ZSCAN5A: variants seen among roughly 807,000 people sequenced by gnomAD.
ZSCAN5A encodes the protein zinc finger and SCAN domain-containing protein 5A.
A neutral mutation model predicts 23.7 loss-of-function variants in ZSCAN5A; 12 were observed. That is an observed-to-expected ratio of 0.51 (90% CI 0.32 to 0.82). The LOEUF (loss-of-function observed/expected upper bound fraction) is 0.82. ZSCAN5A is among the 40% of genes least tolerant of loss of function. The pLI is 0.03. For synonymous variants in ZSCAN5A, 257 were observed against 239.9 expected (o/e 1.07, Z -0.66); for missense variants, 597 against 617.9 (o/e 0.97, Z 0.36).
intron 2 of ZSCAN5A, among the ~76,000 whole-genome samples, chr19:56,300,683 C>G (rs1036660072): frequency 6.6e-6 from 1 of 152,126 alleles, no homozygotes; most frequent in Non-Finnish European, 1.5e-5. Flanking sequence ...GGAGTAATCG[C>G]TTCCTGAATT....
chr19:56,315,695 A>G (rs1196487896), upstream of ZSCAN5A: 2 of 152,226 alleles, frequency 1.3e-5, no homozygotes, highest in African/African-American at 4.8e-5. Flanking sequence ...TTTTTGTGAA[A>G]TAATGTCTGG....
chr19:56,337,439 G>A (rs2041550152), intron 2 of ZSCAN5A, among the ~76,000 whole-genome samples: 1 of 152,210 alleles, frequency 6.6e-6, no homozygotes, highest in Admixed American at 6.5e-5. Context: ...GAAAAGTGCA[G>A]TATTAGGGTG....
intron 2 of ZSCAN5A, among the ~76,000 whole-genome samples, chr19:56,253,433 C>G (rs937612390): frequency 6.6e-6 from 1 of 152,172 alleles, no homozygotes; most frequent in Non-Finnish European, 1.5e-5. Flanking sequence ...GAAGTAGTGG[C>G]TTGTCCGCAG....
intron 2 of ZSCAN5A, among the ~76,000 whole-genome samples, chr19:56,247,684 C>T (rs556352602): frequency 1.0e-5 from 1 of 99,620 alleles, no homozygotes; most frequent in Non-Finnish European, 2.2e-5. Context: ...GTGTGTGTTG[C>T]TGTTCTTTCT....
intron 2 of ZSCAN5A, among the ~76,000 whole-genome samples, chr19:56,301,032 G>T (rs2040193227): frequency 6.6e-6 from 1 of 152,128 alleles, no homozygotes; most frequent in Non-Finnish European, 1.5e-5. Context: ...AGAGCCTGAA[G>T]CCTGGGGATG....
chr19:56,226,371 C>T (rs1343878746), intron 2 of ZSCAN5A, among the ~76,000 whole-genome samples: 1 of 152,188 alleles, frequency 6.6e-6, no homozygotes, highest in African/African-American at 2.4e-5. Context: ...CAAACTCCTC[C>T]AGAGCGAGAA....
At chr19:56,244,098 A>G (rs12609918) in intron 2 of ZSCAN5A, 69,307 of 1,428,804 alleles carry the variant, frequency 0.049, 5,866 homozygotes, top group East Asian at 0.39. Flanking sequence ...AACAGCCCTG[A>G]GTCAGAGCCG....
At chr19:56,299,440 T>C (rs1392670620) in intron 2 of ZSCAN5A, among the ~76,000 whole-genome samples, 4 of 147,954 alleles carry the variant, frequency 2.7e-5, no homozygotes, top group Non-Finnish European at 5.9e-5. Context: ...GCCTTGTTCA[T>C]GATTAAAAAA....
At chr19:56,308,798 A>G (rs2040860825) in intron 2 of ZSCAN5A, among the ~76,000 whole-genome samples, 1 of 152,188 alleles carries the variant, frequency 6.6e-6, no homozygotes, top group Non-Finnish European at 1.5e-5. Flanking sequence ...TTCAGATTCC[A>G]CTGGGGAGGA....
Position 56,277,075 on chromosome 19 carries a change from C to G in ZSCAN5A, c.-128+36208G>C, listed in dbSNP as rs114271045. On this transcript the variant is annotated intron_variant, in intron 2 of 5. Transcript: ENST00000683990. The stretch of plus-strand genomic sequence containing the variant: ...ACTAACTAACGTGGAGAAATCAGAA[C>G]CCTCATATGCTGCTGGTGGGAATGT... Among the ~76,000 whole-genome samples, 1,241 of 152,214 alleles carry G rather than the reference C, an allele frequency of 8.2e-3. 17 individuals are homozygous for G. The highest frequency in any genetic ancestry group is 0.028 in the African/African-American group (1,167 of 41,510).
intron 2 of ZSCAN5A, among the ~76,000 whole-genome samples, chr19:56,226,193 G>A (rs2033914800): frequency 1.3e-5 from 2 of 152,118 alleles, no homozygotes; most frequent in Non-Finnish European, 2.9e-5. Flanking sequence ...AAAGTCACTG[G>A]TAGCCTGGAG....
intron 2 of ZSCAN5A, chr19:56,342,789 A>G: frequency 1.3e-6 from 1 of 743,242 alleles, no homozygotes; most frequent in Non-Finnish European, 2.5e-6. Context: ...GATACAGAGT[A>G]CTGAACTGGG....
At chr19:56,365,138 G>T (rs1190813978) in intron 1 of ZSCAN5A, 1 of 152,212 alleles carries the variant, frequency 6.6e-6, no homozygotes, top group South Asian at 2.1e-4. Flanking sequence ...TAAAGTCATG[G>T]TTTGGCCCTC....
At chr19:56,309,371 A>AAGTGAC (rs2040891080) in intron 2 of ZSCAN5A, among the ~76,000 whole-genome samples, 1 of 152,220 alleles carries the variant, frequency 6.6e-6, no homozygotes, top group African/African-American at 2.4e-5. Flanking sequence ...CCACTCTTAG[A>AAGTGAC]AGTGACAATT....
chr19:56,264,099 C>G (rs1600127654), intron 2 of ZSCAN5A, among the ~76,000 whole-genome samples: 1 of 151,760 alleles, frequency 6.6e-6, no homozygotes, highest in South Asian at 2.1e-4. Context: ...GTTCAAGCAA[C>G]TCTCCTGCCT....
intron 2 of ZSCAN5A, among the ~76,000 whole-genome samples, chr19:56,339,216 ATATGCAAAGGAGCAGT>A (rs919323257): frequency 1.8e-4 from 27 of 152,376 alleles, no homozygotes; most frequent in African/African-American, 6.3e-4. Context: ...ACTGTAAGCA[ATATGCAAAGGAGCAGT>A]TGTAGCCGTA....
chr19:56,339,377 C>T (rs1354689656), intron 2 of ZSCAN5A, among the ~76,000 whole-genome samples: 2 of 129,690 alleles, frequency 1.5e-5, no homozygotes, highest in African/African-American at 6.0e-5. Flanking sequence ...GCTGTAGCCG[C>T]ATTTAGCAAT....
At chr19:56,265,967 G>A (rs1472986906) in intron 2 of ZSCAN5A, among the ~76,000 whole-genome samples, 1 of 152,138 alleles carries the variant, frequency 6.6e-6, no homozygotes, top group African/African-American at 2.4e-5. Context: ...TGGAGCAGAG[G>A]TAATTCTTCC....
At chr19:56,315,666 C>T (rs947453926), upstream of ZSCAN5A, 5 of 152,280 alleles carry the variant, frequency 3.3e-5, no homozygotes, top group African/African-American at 7.2e-5. Flanking sequence ...CTTTCACCCT[C>T]TCTGGGCCTC....
Sources: allele counts gnomAD v4.1 joint callset (sites outside exome capture counted in the v4.1 genomes callset), GRCh38; gene constraint gnomAD v4.1.1; transcripts MANE v1.5; gene names NCBI Gene and HGNC (gene_info 2026-07-23, HGNC 2026-07-21).